Variants in DPYD observed in about 807,000 individuals in gnomAD.
DPYD encodes dihydropyrimidine dehydrogenase.
Under a neutral mutation model 116.2 loss-of-function variants are expected in DPYD, and 109 were observed. That is an observed-to-expected ratio of 0.94 (90% CI 0.80 to 1.10). The LOEUF (loss-of-function observed/expected upper bound fraction) is 1.10, where lower values mean the gene tolerates loss of function less well. Ranked by LOEUF, DPYD falls within the 50% of genes least tolerant of loss-of-function variation. The probability of loss-of-function intolerance (pLI) is 0.00; values close to 1 mark genes in which losing one functional copy is unlikely to be tolerated. For missense variants in DPYD, 1,302 were observed against 1,254.5 expected (o/e 1.04, Z -0.57); for synonymous variants, 440 against 432.0 (o/e 1.02, Z -0.23).
chr1:97,401,258 G>A (rs777158207), intron 14 of DPYD, among the ~76,000 whole-genome samples: 6 of 152,008 alleles, frequency 3.9e-5, no homozygotes, highest in East Asian at 1.9e-4. Flanking sequence ...TCTCCCAGTC[G>A]GTGGCTTGTC....
chr1:97,389,908 T>C (rs1672598547), intron 14 of DPYD, among the ~76,000 whole-genome samples: 1 of 151,896 alleles, frequency 6.6e-6, no homozygotes, highest in African/African-American at 2.4e-5. Context: ...TTGTCATCCT[T>C]TGAAATTTTA....
chr1:97,473,110 A>G (rs1192263343), intron 13 of DPYD, among the ~76,000 whole-genome samples: 1 of 152,178 alleles, frequency 6.6e-6, no homozygotes, highest in Non-Finnish European at 1.5e-5. Flanking sequence ...TTTAATCAAC[A>G]TCTTCCAATT....
At chr1:97,492,260 T>C (rs1247258627) in intron 13 of DPYD, among the ~76,000 whole-genome samples, 1 of 152,120 alleles carries the variant, frequency 6.6e-6, no homozygotes, top group Non-Finnish European at 1.5e-5. Context: ...TTTAAGTAGC[T>C]TTTTTTCCAT....
At chr1:97,356,755 A>C (rs192324215) in intron 16 of DPYD, among the ~76,000 whole-genome samples, 4 of 152,290 alleles carry the variant, frequency 2.6e-5, no homozygotes, top group Admixed American at 1.3e-4. Context: ...CATTTTTCAC[A>C]ACACCCTTTA....
chr1:97,695,520 G>A (rs1661246637), intron 6 of DPYD, among the ~76,000 whole-genome samples: 1 of 150,022 alleles, frequency 6.7e-6, no homozygotes, highest in South Asian at 2.1e-4. Context: ...CCCATGAGAA[G>A]GCACTTTGCC....
intron 3 of DPYD, among the ~76,000 whole-genome samples, chr1:97,817,796 C>T (rs75390996): frequency 6.6e-6 from 1 of 152,014 alleles, no homozygotes; most frequent in Non-Finnish European, 1.5e-5. Flanking sequence ...ATATACACAA[C>T]AGCTTGTTAA....
chr1:97,230,510 G>C (rs535361879), intron 19 of DPYD, among the ~76,000 whole-genome samples: 2 of 152,052 alleles, frequency 1.3e-5, no homozygotes, highest in Admixed American at 1.3e-4. Context: ...GGAGGGAGAG[G>C]ATCAAGAAAA....
chr1:97,317,992 T>C lies in DPYD; in HGVS notation c.2059-11695A>G, dbSNP rs1316963046. On this transcript the variant is annotated intron_variant, in intron 16 of 22. Transcript: ENST00000370192. ...ATCCAGCCAAACTAAGCTTCATAAG[T>C]GAAGGAGAAATAAAATACTTTATAG... Among the ~76,000 whole-genome samples, 5 of 151,146 alleles carry C rather than the reference T, an allele frequency of 3.3e-5. No homozygotes were observed. In the South Asian group the frequency reaches 6.3e-4, roughly 19 times the overall value.
chr1:97,507,353 A>G (rs891157920), intron 13 of DPYD, among the ~76,000 whole-genome samples: 3 of 152,012 alleles, frequency 2.0e-5, no homozygotes, highest in African/African-American at 7.2e-5. Context: ...ATTATCAGGA[A>G]AACAATACTA....
At position 97,322,195 on chromosome 1, in the gene DPYD, T is replaced by A. The variant is rs1386564070; in HGVS notation, c.2059-15898A>T. Among the ~76,000 whole-genome samples the A allele has an allele frequency of 6.8e-5, 10 of 147,972 alleles. No individual in the cohort carries two copies. In the Admixed American group the frequency reaches 6.8e-4, roughly 10 times the overall value. On this transcript the variant is annotated intron_variant, in intron 16 of 22. Transcript: ENST00000370192. ...CACATGTATACATATGTAACTAACC[T>A]GCACAATGTGCACATGTACCCTAAA... is the stretch of plus-strand genomic sequence containing the variant.
chr1:97,339,814 G>T (rs1669504267), intron 16 of DPYD, among the ~76,000 whole-genome samples: 1 of 152,118 alleles, frequency 6.6e-6, no homozygotes, highest in Non-Finnish European at 1.5e-5. Context: ...ATTTATGTTT[G>T]TGTGTGTGTT....
rs1013583989 is a variant in DPYD at position 97,581,442 on chromosome 1, A to C, written c.1129-7472T>G. 2.0e-5 allele frequency among the ~76,000 whole-genome samples: 3 copies of C among 151,654 alleles called. No individual in the cohort carries two copies. In the East Asian group the frequency reaches 5.8e-4, roughly 29 times the overall value. ...GGCATTTCACCTAGCAGTAGTGCAG[A>C]TCAAGGAAGGGCAGCATTGCTGGGC... On this transcript the variant is annotated intron_variant, in intron 10 of 22. Transcript: ENST00000370192.
chr1:97,691,584 A>AG, intron 7 of DPYD, 133 bp downstream of exon 7: 1 of 768,508 alleles, frequency 1.3e-6, no homozygotes, highest in Non-Finnish European at 2.2e-6. Context: ...AAGGGGAAGC[A>AG]TCTTTCTGCT....
At chr1:97,698,369 A>T (rs575784232) in intron 6 of DPYD, among the ~76,000 whole-genome samples, 13 of 151,984 alleles carry the variant, frequency 8.6e-5, no homozygotes, top group African/African-American at 2.2e-4. Context: ...ATTTTATATT[A>T]TCTTGGGCTT....
intron 8 of DPYD, among the ~76,000 whole-genome samples, chr1:97,627,942 C>G (rs982140596): frequency 2.0e-5 from 3 of 151,942 alleles, no homozygotes; most frequent in African/African-American, 7.2e-5. Context: ...AGATGCTATC[C>G]TTAAAAAGAC....
At chr1:97,203,673 C>CG (rs776599489) in intron 19 of DPYD, among the ~76,000 whole-genome samples, 2 of 50,254 alleles carry the variant, frequency 4.0e-5, no homozygotes, top group African/African-American at 1.8e-4. Flanking sequence ...CCCCCCCCCC[C>CG]CAAAAAAAAA....
intron 18 of DPYD, among the ~76,000 whole-genome samples, chr1:97,249,918 A>T (rs1008958755): frequency 2.6e-5 from 4 of 152,224 alleles, no homozygotes; most frequent in Admixed American, 6.5e-5. Flanking sequence ...TGATAACACC[A>T]AATGTTGATA....
intron 12 of DPYD, among the ~76,000 whole-genome samples, chr1:97,524,458 C>A (rs1409184659): frequency 1.3e-5 from 2 of 152,098 alleles, no homozygotes; most frequent in African/African-American, 4.8e-5. Flanking sequence ...CTTGGCTGGG[C>A]ACATTTTCCA....
chr1:97,760,026 C>A (rs1450795696), intron 3 of DPYD, among the ~76,000 whole-genome samples: 2 of 152,184 alleles, frequency 1.3e-5, no homozygotes, highest in East Asian at 3.9e-4. Context: ...TGGGATGAAT[C>A]TTAAAGAACG....
Sources: gnomAD v4.1 joint callset for allele counts (sites outside exome capture counted in the v4.1 genomes callset) on GRCh38, gnomAD v4.1.1 for gene constraint, MANE v1.5 for transcripts, NCBI Gene and HGNC (gene_info 2026-07-23, HGNC 2026-07-21) for gene names.